The following ZNF407 variants were observed in gnomAD, a reference collection of about 807,000 sequenced individuals.
ZNF407 encodes the protein zinc finger protein 407.
ZNF407 carries 17 observed loss-of-function variants against 131.2 expected under a neutral mutation model. The ratio of observed to expected loss-of-function variants is 0.13; its 90% CI spans 0.09 to 0.19. ZNF407 has a LOEUF of 0.19. Ranked by LOEUF, ZNF407 falls within the 10% of genes least tolerant of loss-of-function variation. The probability of loss-of-function intolerance (pLI) is 1.00; values close to 1 mark genes in which losing one functional copy is unlikely to be tolerated. For synonymous variants in ZNF407, 1,156 were observed against 1,062.0 expected (o/e 1.09, Z -1.72); for missense variants, 2,681 against 2,830.6 (o/e 0.95, Z 1.20).
intron 8 of ZNF407, among the ~76,000 whole-genome samples, chr18:75,021,677 A>C (rs1052239125): frequency 6.6e-6 from 1 of 152,160 alleles, no homozygotes; most frequent in East Asian, 1.9e-4. Context: ...GACAGAGTCT[A>C]TTTAGAACCT....
At chr18:74,956,681 G>T (rs1438996694) in intron 8 of ZNF407, among the ~76,000 whole-genome samples, 13 of 152,132 alleles carry the variant, frequency 8.5e-5, no homozygotes, top group Non-Finnish European at 4.4e-5. Flanking sequence ...ATGGAGGAGA[G>T]GCGTGTTGAG....
At chr18:74,697,631 T>A (rs1967389872) in intron 3 of ZNF407, among the ~76,000 whole-genome samples, 1 of 152,136 alleles carries the variant, frequency 6.6e-6, no homozygotes, top group South Asian at 2.1e-4. Context: ...CATAGAATTG[T>A]TTTATATATA....
In ZNF407 at chr18:75,063,867, G is replaced by T; in HGVS notation, c.6146G>T (p.Ser2049Ile). Residue 2049 changes from serine to isoleucine, a missense_variant, in exon 9 of 9, where the codon AGC (serine) becomes ATC (isoleucine). Physicochemically the swap from Ser to Ile is moderately radical, Grantham distance 142 (BLOSUM62 -2). Coordinates refer to ENST00000299687, the MANE Select transcript of ZNF407 (RefSeq NM_017757.3). This position sits in a 1 kb window ranked among gnomAD's most constrained non-coding sequence, Gnocchi z 6.6. ...CAGATGTTCCCACAGGCCCAGGAGA[G>T]CCCGGCCGCCGTGGAGGTGCTCACC... ...EIQMFPQAQE[S>I]PAAVEVLTQV... is the part of the protein sequence containing the mutation. 6.2e-7 allele frequency: 1 copy of T among 1,611,406 alleles called. No homozygotes were observed.
At chr18:74,713,427 T>A (rs892125591) in intron 3 of ZNF407, among the ~76,000 whole-genome samples, 1 of 150,614 alleles carries the variant, frequency 6.6e-6, no homozygotes, top group African/African-American at 2.5e-5. Flanking sequence ...TATTATGTGA[T>A]TAAAACATAG....
chr18:74,650,737 G>A (rs775632505), intron 3 of ZNF407, among the ~76,000 whole-genome samples: 5 of 152,028 alleles, frequency 3.3e-5, no homozygotes, highest in Non-Finnish European at 5.9e-5. Context: ...AATATTGTTT[G>A]TTACCCCAAA....
At chr18:75,009,232 G>A (rs1972946558) in intron 8 of ZNF407, among the ~76,000 whole-genome samples, 1 of 152,146 alleles carries the variant, frequency 6.6e-6, no homozygotes, top group African/African-American at 2.4e-5. Flanking sequence ...GCAATTGTGA[G>A]TAGAATTTTT....
intron 8 of ZNF407, among the ~76,000 whole-genome samples, chr18:75,014,403 C>CT (rs1332598558): frequency 6.6e-6 from 1 of 151,994 alleles, no homozygotes; most frequent in Non-Finnish European, 1.5e-5. Context: ...TTCTTCCAAT[C>CT]TAAGTCATCT....
At chr18:74,785,026 A>G (rs1414197986) in intron 4 of ZNF407, among the ~76,000 whole-genome samples, 3 of 152,216 alleles carry the variant, frequency 2.0e-5, no homozygotes, top group African/African-American at 4.8e-5. Context: ...GTCAGGACAT[A>G]TCTGCACTGG....
chr18:74,614,996 A>T (rs1261081465), intron 1 of ZNF407, among the ~76,000 whole-genome samples: 2 of 152,190 alleles, frequency 1.3e-5, no homozygotes, highest in African/African-American at 4.8e-5. Context: ...AGCAGATATG[A>T]GTGGAAGTGA....
chr18:74,660,626 T>C (rs907661150), intron 3 of ZNF407, among the ~76,000 whole-genome samples: 3 of 152,124 alleles, frequency 2.0e-5, no homozygotes, highest in Admixed American at 1.3e-4. Context: ...AATATAAAAT[T>C]CATATTCCTT....
At chr18:74,750,593 G>A (rs1045471076) in intron 3 of ZNF407, among the ~76,000 whole-genome samples, 7 of 152,082 alleles carry the variant, frequency 4.6e-5, no homozygotes, top group Non-Finnish European at 8.8e-5. Flanking sequence ...ACCCAGCACC[G>A]TTTGGTATTC....
chr18:74,616,538 C>T lies in ZNF407; in HGVS notation c.-53-14429C>T, dbSNP rs1381757956. On this transcript the variant is annotated intron_variant, in intron 1 of 8. Coordinates refer to ENST00000299687, the MANE Select transcript of ZNF407 (RefSeq NM_017757.3). Reference sequence around the variant, plus strand: ...ATGTACAAAACCAGCCCACTCCCTCCACCCCTGTACCCGCATTCTGATTGT... The same window carrying T: ...ATGTACAAAACCAGCCCACTCCCTCTACCCCTGTACCCGCATTCTGATTGT... 2.0e-5 allele frequency among the ~76,000 whole-genome samples: 3 copies of T among 151,962 alleles called. No homozygotes were observed. In the East Asian group the frequency reaches 5.8e-4, roughly 30 times the overall value.
chr18:74,752,990 AT>A (rs1968842707), intron 3 of ZNF407, among the ~76,000 whole-genome samples: 1 of 152,058 alleles, frequency 6.6e-6, no homozygotes. Context: ...CATGGTATTG[AT>A]TCTTCCTATC....
intron 3 of ZNF407, among the ~76,000 whole-genome samples, chr18:74,691,010 G>A (rs774649029): frequency 6.6e-6 from 1 of 152,214 alleles, no homozygotes; most frequent in South Asian, 2.1e-4. Context: ...CGAGCGCAGT[G>A]GCTCACGCCT....
chr18:74,784,363 C>T (rs1969664681), intron 4 of ZNF407, among the ~76,000 whole-genome samples: 1 of 152,056 alleles, frequency 6.6e-6, no homozygotes, highest in Non-Finnish European at 1.5e-5. Flanking sequence ...GTATTTAGGC[C>T]TTGTGCTTTG....
intron 8 of ZNF407, among the ~76,000 whole-genome samples, chr18:75,014,618 A>G (rs1973021851): frequency 6.6e-6 from 1 of 152,036 alleles, no homozygotes; most frequent in Non-Finnish European, 1.5e-5. Context: ...TTTCTTCACC[A>G]TCTTAAAACC....
intron 8 of ZNF407, among the ~76,000 whole-genome samples, chr18:75,036,419 G>T (rs1355042778): frequency 6.6e-6 from 1 of 152,132 alleles, no homozygotes; most frequent in Non-Finnish European, 1.5e-5. Flanking sequence ...CATACCATTT[G>T]TTGTGAAACA....
intron 4 of ZNF407, among the ~76,000 whole-genome samples, chr18:74,822,120 GT>G (rs1336037541): frequency 2.0e-5 from 3 of 152,030 alleles, no homozygotes; most frequent in African/African-American, 4.8e-5. Flanking sequence ...TGATGGGGTT[GT>G]TTTTTTCTTG....
chr18:74,630,438 T>C (rs1181593697), intron 1 of ZNF407, among the ~76,000 whole-genome samples: 2 of 152,214 alleles, frequency 1.3e-5, no homozygotes, highest in Non-Finnish European at 2.9e-5. Flanking sequence ...CCCAAAATCC[T>C]GGCACTACAG....
Sources: allele counts gnomAD v4.1 joint callset (sites outside exome capture counted in the v4.1 genomes callset), GRCh38; gene constraint gnomAD v4.1.1; non-coding constraint Gnocchi (gnomAD v3.1); transcripts MANE v1.5; gene names NCBI Gene and HGNC (gene_info 2026-07-23, HGNC 2026-07-21).